TOP3A: variants seen among roughly 807,000 people sequenced by gnomAD.
TOP3A encodes the protein DNA topoisomerase III alpha.
A neutral mutation model predicts 111.3 loss-of-function variants in TOP3A; 64 were observed. That is an observed-to-expected ratio of 0.57 (90% confidence interval 0.47 to 0.71). The LOEUF is 0.71. TOP3A is among the 30% of genes least tolerant of loss of function. The pLI, the probability that TOP3A is intolerant of heterozygous loss-of-function variation, is 0.00. For missense variants in TOP3A, 1,104 were observed against 1,285.0 expected (o/e 0.86, Z 2.15); for synonymous variants, 484 against 485.1 (o/e 1.00, Z 0.03).
chr17:18,285,524 G>C lies in TOP3A; in HGVS notation c.1598-4C>G. On this transcript the variant is annotated splice_region_variant and splice_polypyrimidine_tract_variant and intron_variant, in intron 13 of 18. Coordinates refer to ENST00000321105, the MANE Select transcript of TOP3A (RefSeq NM_004618.5). ...TCCGCATGAGTGGCATCCGTACCTGGAAGCCACTTGCTGGTTACTCTGAGG... is the reference window on the plus strand; with the variant it reads ...TCCGCATGAGTGGCATCCGTACCTGCAAGCCACTTGCTGGTTACTCTGAGG... The C allele has an allele frequency of 6.2e-7, 1 of 1,612,940 alleles. No homozygotes were observed. Among genetic ancestry groups the C allele is most frequent in the Non-Finnish European group, 8.5e-7 (1 of 1,179,714 alleles).
chr17:18,276,763 G>A (rs1025900965), intron 18 of TOP3A, among the ~76,000 whole-genome samples: 4 of 152,156 alleles, frequency 2.6e-5, no homozygotes, highest in African/African-American at 4.8e-5. Flanking sequence ...GTGCCTCCAC[G>A]TACACCATTC....
At position 18,299,602 on chromosome 17, in the gene TOP3A, G is replaced by T; in HGVS notation, c.947C>A (p.Ser316Tyr). 6.2e-7 allele frequency: 1 copy of T among 1,614,124 alleles called. No individual in the cohort carries two copies. The highest frequency in any genetic ancestry group is 8.5e-7 in the Non-Finnish European group (1 of 1,179,978). The change falls in exon 9 of 19, where the codon TCT becomes TAT. Residue 316 changes from serine (S) to tyrosine (Y), a missense_variant. Physicochemically the swap from Ser to Tyr is moderately radical, Grantham distance 144. Transcript: ENST00000321105. ...AGGCCGCCACTTGCTCTTGGGCTTA[G>T]ATCTGACCTCTACCACAGTTGCCAT... ...DPMATVVEVR[S>Y]KPKSKWRPQA...
intron 8 of TOP3A, 136 bp from the exon 9 acceptor site, chr17:18,299,769 G>C (rs1395869798): frequency 2.6e-6 from 2 of 766,622 alleles, no homozygotes; most frequent in Non-Finnish European, 4.6e-6. Context: ...GCCTAGAAGA[G>C]TGCCCCACTT....
At chr17:18,302,035 T>C in intron 7 of TOP3A, 50 bp from the exon 8 acceptor site, 1 of 1,553,164 alleles carries the variant, frequency 6.4e-7, no homozygotes, top group Non-Finnish European at 8.9e-7. Flanking sequence ...AGACATGTCA[T>C]GATATGACAG....
chr17:18,278,499 C>T, intron 17 of TOP3A, 142 bp from the exon 18 acceptor site: 1 of 646,540 alleles, frequency 1.5e-6, no homozygotes, highest in South Asian at 3.0e-5. Flanking sequence ...CTGTGAGGCC[C>T]TCTATCAGCC....
At chr17:18,308,601 T>G (rs141372234) in intron 2 of TOP3A, 177 bp from the exon 3 acceptor site, 16 of 535,492 alleles carry the variant, frequency 3.0e-5, no homozygotes, top group African/African-American at 2.9e-4. Flanking sequence ...CAATCACCAT[T>G]CTAATGATAT....
intron 9 of TOP3A, among the ~76,000 whole-genome samples, chr17:18,297,054 G>A (rs1980853473): frequency 6.6e-6 from 1 of 152,160 alleles, no homozygotes; most frequent in African/African-American, 2.4e-5. Flanking sequence ...TGTAAGGATG[G>A]TGAAGCCATA....
Position 18,278,119 on chromosome 17 carries a change from G to A in TOP3A, c.2383C>T (p.Leu795=). ...DSRQTGSSKA[L]AQTLPPPTAA... ...GTGGGTGGTGGGAGGGTCTGGGCCAGAGCCTTTGAGGACCCAGTCTGTCTG... is the reference window on the plus strand; with the variant it reads ...GTGGGTGGTGGGAGGGTCTGGGCCAAAGCCTTTGAGGACCCAGTCTGTCTG... The change falls in exon 18 of 19, where the codon CTG becomes TTG. Residue 795 remains leucine, a synonymous_variant. Transcript: ENST00000321105. 1 of 1,614,248 alleles carries A rather than the reference G, an allele frequency of 6.2e-7. No homozygotes were observed. Among genetic ancestry groups the A allele is most frequent in the South Asian group, 1.1e-5 (1 of 91,090 alleles).
At chr17:18,297,864 G>A (rs1980931715) in intron 9 of TOP3A, among the ~76,000 whole-genome samples, 1 of 152,146 alleles carries the variant, frequency 6.6e-6, no homozygotes, top group African/African-American at 2.4e-5. Flanking sequence ...GAAGTGAGGA[G>A]CGTCTCTGCC....
In TOP3A at chr17:18,308,877, C is replaced by A; in HGVS notation, c.240+5G>T. 6.4e-7 allele frequency: 1 copy of A among 1,557,408 alleles called. No homozygotes were observed. ...GAAATATTTTAGAAATATTTTAGCA[C>A]CTACCTGGCCATACAGATGATAATC... is the stretch of plus-strand genomic sequence containing the variant. On this transcript the variant is annotated splice_donor_5th_base_variant and intron_variant, in intron 2 of 18. Transcript: ENST00000321105.
intron 5 of TOP3A, among the ~76,000 whole-genome samples, chr17:18,303,333 G>A (rs1026666593): frequency 1.3e-5 from 2 of 152,156 alleles, no homozygotes; most frequent in African/African-American, 4.8e-5. Context: ...CCTGAGATAT[G>A]GCCTCGTGGG....
rs1274344034 is a variant in TOP3A at position 18,282,940 on chromosome 17, C to T, written c.1878-99G>A. 7.4e-6 allele frequency: 11 copies of T among 1,490,208 alleles called. No individual in the cohort carries two copies. In the African/African-American group the frequency reaches 1.2e-4, roughly 17 times the overall value. The allele number at this position is 1,490,208 out of a possible 1,614,324, so 92.3% of individuals were successfully genotyped here. A position where few individuals can be genotyped will look rare whatever the true frequency, so the allele number is the denominator to read the frequency against. On this transcript the variant is annotated intron_variant, in intron 15 of 18. Transcript: ENST00000321105. ...ACACAACAGGCGTGACCTTGAGAAC[C>T]AGCTGGTCAGTGAGCCGCAGGCCTC... is the stretch of plus-strand genomic sequence containing the variant.
intron 1 of TOP3A, among the ~76,000 whole-genome samples, chr17:18,311,243 G>A (rs1004353733): frequency 5.3e-5 from 8 of 151,562 alleles, no homozygotes; most frequent in Non-Finnish European, 1.0e-4. Flanking sequence ...CTCATGATCC[G>A]CCCACCTCAG....
rs1027280530 is a variant in TOP3A, at chr17:18,291,114, C to T, written c.1282-87G>A. The T allele has an allele frequency of 2.1e-6, 3 of 1,400,188 alleles. No individual in the cohort carries two copies. In the African/African-American group the frequency reaches 4.3e-5, roughly 20 times the overall value. The allele number at this position is 1,400,188 out of a possible 1,614,324, so 86.7% of individuals were successfully genotyped here. On this transcript the variant is annotated intron_variant, in intron 11 of 18. Coordinates refer to ENST00000321105, the MANE Select transcript of TOP3A (RefSeq NM_004618.5). The stretch of plus-strand genomic sequence containing the variant: ...TCACTGGTAGCCTTAGCCTAATGTC[C>T]TGCACAGAAGAGGCCACACTGCTCC...
chr17:18,300,955 C>A (rs536971437), intron 8 of TOP3A, among the ~76,000 whole-genome samples: 1 of 152,324 alleles, frequency 6.6e-6, no homozygotes, highest in East Asian at 1.9e-4. Flanking sequence ...CTTTCTTTAG[C>A]TTCCTCATCT....
chr17:18,291,084 G>T, intron 11 of TOP3A, 57 bp from the exon 12 acceptor site: 1 of 1,554,960 alleles, frequency 6.4e-7, no homozygotes, highest in South Asian at 1.2e-5. Context: ...TCAAGGACAG[G>T]AGCATCACTG....
chr17:18,275,344 C>CTTT (rs71155327), intron 18 of TOP3A, among the ~76,000 whole-genome samples: 155 of 77,146 alleles, frequency 2.0e-3, no homozygotes, highest in East Asian at 3.7e-3. Context: ...GCTGAACCAA[C>CTTT]TTTTTTTTTT....
At position 18,281,311 on chromosome 17, in the gene TOP3A, A is replaced by G. The variant is rs1274456947; in HGVS notation, c.2022-653T>C. 3.3e-5 allele frequency among the ~76,000 whole-genome samples: 5 copies of G among 152,320 alleles called. No homozygotes were observed. The East Asian group carries it at 9.6e-4, about 29-fold the overall frequency. The stretch of plus-strand genomic sequence containing the variant: ...CCAATCATTTAAATAAGAAATTTAC[A>G]ATCTCAGAAATGGAAATTAACAGAT... On this transcript the variant is annotated intron_variant, in intron 16 of 18. Coordinates refer to ENST00000321105, the MANE Select transcript of TOP3A (RefSeq NM_004618.5).
In TOP3A at chr17:18,299,585, A is replaced by G. The variant is rs772333291; in HGVS notation, c.964T>C (p.Trp322Arg). The change falls in exon 9 of 19, where the codon TGG (tryptophan) becomes CGG (arginine). Residue 322 changes from tryptophan (W) to arginine (R), a missense_variant. Transcript: ENST00000321105. ...ACAGTGTCCAAGGCTTGAGGCCGCC[A>G]CTTGCTCTTGGGCTTAGATCTGACC... ...VEVRSKPKSK[W>R]RPQALDTVEL... 6.2e-7 allele frequency: 1 copy of G among 1,614,130 alleles called. No homozygotes were observed. The highest frequency in any genetic ancestry group is 1.1e-5 in the South Asian group (1 of 91,084).
Sources: allele counts gnomAD v4.1 joint callset (sites outside exome capture counted in the v4.1 genomes callset), GRCh38; gene constraint gnomAD v4.1.1; transcripts MANE v1.5; gene names NCBI Gene and HGNC (gene_info 2026-07-23, HGNC 2026-07-21).